Variants in CDHR3 observed in about 807,000 individuals in gnomAD.
CDHR3 encodes cadherin related family member 3.
CDHR3 carries 79 observed loss-of-function variants against 86.6 expected under a neutral mutation model. The ratio of observed to expected loss-of-function variants is 0.91; its 90% CI spans 0.76 to 1.10. The LOEUF (loss-of-function observed/expected upper bound fraction) is 1.10, where lower values mean the gene tolerates loss of function less well. Among genes scored for constraint, CDHR3 ranks in the 50% least tolerant of loss-of-function variants. The probability of loss-of-function intolerance (pLI) is 0.00; values close to 1 mark genes in which losing one functional copy is unlikely to be tolerated. For missense variants in CDHR3, 1,081 were observed against 1,077.6 expected, an observed-to-expected ratio of 1.00 and a Z score of -0.04; for synonymous variants, 421 against 402.4, an observed-to-expected ratio of 1.05 and a Z score of -0.55.
At chr7:106,001,862 AT>A (rs1833241987) in intron 7 of CDHR3, among the ~76,000 whole-genome samples, 1 of 152,170 alleles carries the variant, frequency 6.6e-6, no homozygotes, top group South Asian at 2.1e-4. Context: ...TAGTTGTTGT[AT>A]TGTTTAGGGA....
rs1835564216 is a variant in CDHR3 at position 106,016,013 on chromosome 7, G to T, written c.1414G>T (p.Glu472Ter). The change falls in exon 11 of 19, where the codon GAA becomes TAA. Residue 472 changes from glutamate to a stop codon, truncating the protein, a stop_gained. Coordinates refer to ENST00000317716, the MANE Select transcript of CDHR3 (RefSeq NM_152750.5). LOFTEE classifies it high-confidence loss of function. ...DRPSYVFDVSERRPARTRVGQ... is the reference protein window; with the variant it reads ...DRPSYVFDVS ...GCCATCCTATGTATTTGATGTGTCA[G>T]AAAGAAGGCCCGGTAAGTAACAGAT... The T allele has an allele frequency of 6.2e-7, 1 of 1,608,878 alleles. No individual in the cohort carries two copies. Among genetic ancestry groups the T allele is most frequent in the African/African-American group, 1.3e-5 (1 of 74,850 alleles).
intron 8 of CDHR3, among the ~76,000 whole-genome samples, chr7:106,009,236 T>C (rs1426475834): frequency 6.6e-6 from 1 of 152,124 alleles, no homozygotes; most frequent in African/African-American, 2.4e-5. Context: ...AGCCACCCTA[T>C]GAACGCCAAG....
chr7:105,971,324 A>G (rs900412180), intron 1 of CDHR3, among the ~76,000 whole-genome samples: 3 of 152,138 alleles, frequency 2.0e-5, no homozygotes, highest in Non-Finnish European at 4.4e-5. Flanking sequence ...ATTTCTAGCA[A>G]GAATATCGGC....
intron 1 of CDHR3, among the ~76,000 whole-genome samples, chr7:105,964,305 C>T (rs1355241965): frequency 6.6e-6 from 1 of 152,084 alleles, no homozygotes; most frequent in Non-Finnish European, 1.5e-5. Context: ...TTCCCTACAT[C>T]TTTCAACTGA....
At chr7:106,011,803 G>T (rs979667085) in intron 8 of CDHR3, among the ~76,000 whole-genome samples, 5 of 152,200 alleles carry the variant, frequency 3.3e-5, no homozygotes, top group Admixed American at 1.3e-4. Context: ...TGATCGGAAG[G>T]CTCTGAGTTT....
chr7:105,974,744 C>G (rs1828534971), intron 1 of CDHR3, 100 bp from the exon 2 acceptor site: 5 of 879,112 alleles, frequency 5.7e-6, no homozygotes, highest in Non-Finnish European at 7.4e-6. Flanking sequence ...CTCATCGTCA[C>G]CCTGAGCTAC....
chr7:105,963,456 C>T, intron 1 of CDHR3, 92 bp downstream of exon 1: 4 of 1,363,776 alleles, frequency 2.9e-6, no homozygotes, highest in South Asian at 2.4e-5. Context: ...GGAAATTGCC[C>T]CTGGGAGGCT....
intron 4 of CDHR3, among the ~76,000 whole-genome samples, chr7:105,989,450 C>T (rs1181872037): frequency 1.3e-5 from 2 of 151,990 alleles, no homozygotes; most frequent in Non-Finnish European, 2.9e-5. Context: ...TGAGGAAGGG[C>T]TTTTGCATAA....
At chr7:105,981,742 G>A (rs1829769847) in intron 3 of CDHR3, among the ~76,000 whole-genome samples, 1 of 152,054 alleles carries the variant, frequency 6.6e-6, no homozygotes. Context: ...CAAACTTAAT[G>A]TGCTTCTGAA....
At chr7:106,027,451 T>C (rs1382171466) in intron 16 of CDHR3, among the ~76,000 whole-genome samples, 1 of 151,730 alleles carries the variant, frequency 6.6e-6, no homozygotes, top group Non-Finnish European at 1.5e-5. Flanking sequence ...ATGGATTTGA[T>C]CATTTCCACA....
intron 2 of CDHR3, among the ~76,000 whole-genome samples, chr7:105,979,475 A>G (rs74931634): frequency 1.3e-5 from 2 of 152,174 alleles, no homozygotes; most frequent in African/African-American, 2.4e-5. Flanking sequence ...GCAATGTCCA[A>G]CATAATACCT....
chr7:106,018,539 T>C (rs73195664), intron 12 of CDHR3, among the ~76,000 whole-genome samples: 6,164 of 152,226 alleles, frequency 0.04, 170 homozygotes, highest in South Asian at 0.13. Context: ...CCCAGCCCCA[T>C]ATTTTTTTGA....
In CDHR3 at chr7:106,004,538, T is replaced by C. The variant is rs1458047708; in HGVS notation, c.903T>C (p.Asp301=). ...TIQVAQRIDR[D]AGELRQNPTI... Reference sequence around the variant, plus strand: ...AAGTGGCCCAAAGGATAGACCGAGATGCAGGTGAATTGAGACAAAATCCCA... The same window carrying C: ...AAGTGGCCCAAAGGATAGACCGAGACGCAGGTGAATTGAGACAAAATCCCA... Residue 301 remains aspartate, a synonymous_variant, in exon 8 of 19, where the codon GAT becomes GAC. Coordinates refer to ENST00000317716, the MANE Select transcript of CDHR3 (RefSeq NM_152750.5). 5 of 1,613,914 alleles carry C rather than the reference T, an allele frequency of 3.1e-6. No individual in the cohort carries two copies. Among genetic ancestry groups the C allele is most frequent in the Non-Finnish European group, 4.2e-6 (5 of 1,179,900 alleles).
intron 2 of CDHR3, among the ~76,000 whole-genome samples, chr7:105,980,214 A>G (rs1286695937): frequency 2.0e-5 from 3 of 152,212 alleles, no homozygotes; most frequent in Admixed American, 1.3e-4. Context: ...GAATGAAGTG[A>G]TGAGTCAAGA....
chr7:106,023,642 A>C (rs1428688375), intron 14 of CDHR3, among the ~76,000 whole-genome samples: 1 of 152,206 alleles, frequency 6.6e-6, no homozygotes, highest in African/African-American at 2.4e-5. Context: ...AGAACCTTAG[A>C]GAACCCACTA....
intron 1 of CDHR3, among the ~76,000 whole-genome samples, chr7:105,969,292 G>A (rs1242281174): frequency 6.7e-6 from 1 of 149,556 alleles, no homozygotes; most frequent in African/African-American, 2.5e-5. Context: ...CCAGCTACTC[G>A]GGAGGCTGAG....
chr7:106,018,241 C>G (rs1456038412), intron 12 of CDHR3, among the ~76,000 whole-genome samples, 169 bp downstream of exon 12: 1 of 152,130 alleles, frequency 6.6e-6, no homozygotes, highest in Non-Finnish European at 1.5e-5. Flanking sequence ...CCACATTTTT[C>G]TTTTTTCGTT....
chr7:105,984,240 A>C lies in CDHR3; in HGVS notation c.464A>C (p.Gln155Pro), dbSNP rs754209015. ...AGAGCAAACCCTGGATTCATTTACC[A>C]GGTTGAGGCCTTCGATCCAGAAGAC... ...VERANPGFIY[Q>P]VEAFDPEDTS... Residue 155 changes from glutamine to proline, a missense_variant, in exon 4 of 19, where the codon CAG becomes CCG. Gln to Pro is a moderately conservative substitution (Grantham distance 76). Transcript: ENST00000317716. 9 of 1,611,114 alleles carry C rather than the reference A, an allele frequency of 5.6e-6. No homozygotes were observed. Among genetic ancestry groups the C allele is most frequent in the Non-Finnish European group, 7.6e-6 (9 of 1,178,012 alleles).
chr7:105,972,483 A>C (rs892570757), intron 1 of CDHR3, among the ~76,000 whole-genome samples: 29 of 152,144 alleles, frequency 1.9e-4, no homozygotes, highest in African/African-American at 6.8e-4. Flanking sequence ...CCAACTTTCC[A>C]TTTCCTGTAC....
Sources: gnomAD v4.1 joint callset for allele counts (sites outside exome capture counted in the v4.1 genomes callset) on GRCh38, gnomAD v4.1.1 for gene constraint, MANE v1.5 for transcripts, NCBI Gene and HGNC (gene_info 2026-07-23, HGNC 2026-07-21) for gene names.